The following C1QTNF3 variants were observed in gnomAD, a reference collection of about 807,000 sequenced individuals.
C1QTNF3 encodes complement C1q tumor necrosis factor-related protein 3.
C1QTNF3 carries 26 observed loss-of-function variants against 32.6 expected under a neutral mutation model. That is an observed-to-expected ratio of 0.80 (90% CI 0.58 to 1.11). The LOEUF (loss-of-function observed/expected upper bound fraction) is 1.11. Ranked by LOEUF, C1QTNF3 falls within the 50% of genes least tolerant of loss-of-function variation. C1QTNF3 has a pLI of 0.00. For missense variants in C1QTNF3, 362 were observed against 398.2 expected (o/e 0.91, Z 0.77); for synonymous variants, 155 against 146.0 (o/e 1.06, Z -0.44).
chr5:34,027,944 G>A (rs1269003775), intron 4 of C1QTNF3, among the ~76,000 whole-genome samples: 1 of 151,884 alleles, frequency 6.6e-6, no homozygotes, highest in Non-Finnish European at 1.5e-5. Context: ...AGAAATATGA[G>A]AAGATATATT....
the C1QTNF3 span, among the ~76,000 whole-genome samples, chr5:34,214,686 C>T: frequency 2.0e-5 from 3 of 152,012 alleles, no homozygotes; most frequent in African/African-American, 7.2e-5. Context: ...AACACTAAGT[C>T]CCATATTGTC....
the C1QTNF3 span, among the ~76,000 whole-genome samples, chr5:34,207,965 AT>A: frequency 6.6e-5 from 10 of 151,544 alleles, no homozygotes; most frequent in Non-Finnish European, 1.0e-4. Context: ...TTTTTTTTGT[AT>A]TTTTTAGTAG....
At chr5:34,084,793 T>G in the C1QTNF3 span, among the ~76,000 whole-genome samples, 1 of 69,438 alleles carries the variant, frequency 1.4e-5, no homozygotes, top group Non-Finnish European at 2.8e-5. Flanking sequence ...TTTCTGGTTT[T>G]TTTTTTGTTT....
chr5:34,070,776 G>C, the C1QTNF3 span, among the ~76,000 whole-genome samples: 1 of 151,996 alleles, frequency 6.6e-6, no homozygotes, highest in South Asian at 2.1e-4. Flanking sequence ...ACTAAATTTA[G>C]GTTTTCTGGA....
At chr5:34,101,002 C>T in the C1QTNF3 span, among the ~76,000 whole-genome samples, 2 of 151,470 alleles carry the variant, frequency 1.3e-5, no homozygotes, top group Non-Finnish European at 2.9e-5. Context: ...TAGATGAGGT[C>T]ACTTTCAATT....
At chr5:34,054,029 G>T in the C1QTNF3 span, among the ~76,000 whole-genome samples, 6 of 152,288 alleles carry the variant, frequency 3.9e-5, no homozygotes, top group Middle Eastern at 3.4e-3. Context: ...GCCGAGTATG[G>T]AAAGACCTGG....
the C1QTNF3 span, among the ~76,000 whole-genome samples, chr5:34,072,411 AAGAAAG>A: frequency 6.6e-6 from 1 of 151,688 alleles, no homozygotes; most frequent in African/African-American, 2.4e-5. Context: ...GAAAGAAAGA[AAGAAAG>A]AAAGAACAGA....
upstream of C1QTNF3, among the ~76,000 whole-genome samples, chr5:34,047,424 C>A (rs575510785): frequency 2.6e-5 from 4 of 152,192 alleles, no homozygotes; most frequent in Admixed American, 6.5e-5. Flanking sequence ...TGGCCTCCCC[C>A]ATGGTGCTTC....
the C1QTNF3 span, among the ~76,000 whole-genome samples, chr5:34,215,819 G>A: frequency 5.3e-5 from 8 of 152,228 alleles, no homozygotes; most frequent in East Asian, 5.8e-4. Context: ...CATTTTTTTA[G>A]ATGGGATCTC....
At chr5:34,159,943 A>G in the C1QTNF3 span, among the ~76,000 whole-genome samples, 4 of 152,192 alleles carry the variant, frequency 2.6e-5, no homozygotes, top group African/African-American at 7.2e-5. Context: ...GAGTACATAA[A>G]TAATTCTAAA....
the C1QTNF3 span, among the ~76,000 whole-genome samples, chr5:34,226,427 T>C: frequency 0.021 from 2,802 of 135,888 alleles, 45 homozygotes; most frequent in Non-Finnish European, 0.033. Flanking sequence ...GAACAAAGAC[T>C]GGTACAATAA....
chr5:34,127,406 T>C, the C1QTNF3 span, among the ~76,000 whole-genome samples: 10 of 151,846 alleles, frequency 6.6e-5, no homozygotes, highest in Non-Finnish European at 1.0e-4. Context: ...GAGGAACTTA[T>C]TGTGAACTAT....
the C1QTNF3 span, among the ~76,000 whole-genome samples, chr5:34,105,039 A>G: frequency 6.6e-6 from 1 of 151,176 alleles, no homozygotes; most frequent in Non-Finnish European, 1.5e-5. Context: ...TCCTAATTAC[A>G]CTTTCTGTCT....
chr5:34,155,151 G>C, the C1QTNF3 span, among the ~76,000 whole-genome samples: 12,256 of 152,088 alleles, frequency 0.081, 1,237 homozygotes, highest in African/African-American at 0.23. Flanking sequence ...TCAAGATTAT[G>C]ACTAAAAAGG....
chr5:34,176,155 A>G, the C1QTNF3 span, among the ~76,000 whole-genome samples: 1 of 151,576 alleles, frequency 6.6e-6, no homozygotes. Context: ...CGCCAAGAAC[A>G]AAAAACCAAA....
At chr5:34,229,044 A>G in the C1QTNF3 span, among the ~76,000 whole-genome samples, 1 of 152,198 alleles carries the variant, frequency 6.6e-6, no homozygotes, top group African/African-American at 2.4e-5. Context: ...TTTATCTGAC[A>G]AACAGCAGAG....
At chr5:34,024,032 A>T (rs1407805862) in intron 4 of C1QTNF3, 24 bp from the exon 5 acceptor site, 3 of 1,583,692 alleles carry the variant, frequency 1.9e-6, no homozygotes, top group Non-Finnish European at 2.6e-6. Context: ...GTATATATCC[A>T]TGTTGATATT....
At chr5:34,121,660 G>C in the C1QTNF3 span, among the ~76,000 whole-genome samples, 1 of 152,096 alleles carries the variant, frequency 6.6e-6, no homozygotes, top group Non-Finnish European at 1.5e-5. Context: ...CATGTCATTT[G>C]GCATTTGTAA....
the C1QTNF3 span, among the ~76,000 whole-genome samples, chr5:34,159,051 T>G: frequency 5.9e-5 from 9 of 152,222 alleles, no homozygotes; most frequent in African/African-American, 2.2e-4. Flanking sequence ...CATTTGTTCT[T>G]AAAAACACCA....
Sources: allele counts gnomAD v4.1 joint callset (sites outside exome capture counted in the v4.1 genomes callset), GRCh38; gene constraint gnomAD v4.1.1; transcripts MANE v1.5; gene names NCBI Gene and HGNC (gene_info 2026-07-23, HGNC 2026-07-21).